Variants in S100Z observed in about 807,000 individuals in gnomAD.
The protein encoded by S100Z is S100 calcium binding protein Z.
In S100Z, 11 loss-of-function variants were observed where a neutral mutation model predicts 8.5. The observed-to-expected ratio is 1.30, with a 90% confidence interval of 0.82 to 2.15. S100Z has a LOEUF of 2.15. Ranked by LOEUF, S100Z falls within the 30% of genes most tolerant of loss-of-function variation. S100Z has a pLI of 0.00. For missense variants in S100Z, 126 were observed against 117.9 expected (o/e 1.07, Z -0.32); for synonymous variants, 34 against 43.8 (o/e 0.78, Z 0.89).
chr5:76,889,867 G>A (rs1227983316), intron 4 of S100Z, among the ~76,000 whole-genome samples: 3 of 152,222 alleles, frequency 2.0e-5, no homozygotes, highest in African/African-American at 7.2e-5. Flanking sequence ...ATCTCTGAAT[G>A]AGCAGCTAAT....
At chr5:76,887,568 T>C (rs1371163595) in intron 4 of S100Z, among the ~76,000 whole-genome samples, 1 of 151,922 alleles carries the variant, frequency 6.6e-6, no homozygotes, top group African/African-American at 2.4e-5. Context: ...TGGCTAACTT[T>C]TGTCTTTTTA....
chr5:76,940,842 G>A, the S100Z span, among the ~76,000 whole-genome samples: 11 of 152,130 alleles, frequency 7.2e-5, no homozygotes, highest in African/African-American at 1.9e-4. Flanking sequence ...TTTGCTGGTC[G>A]TGTCTCCTTA....
chr5:76,869,892 G>A (rs1561227519), intron 1 of S100Z, among the ~76,000 whole-genome samples: 1 of 152,044 alleles, frequency 6.6e-6, no homozygotes, highest in Non-Finnish European at 1.5e-5. Flanking sequence ...GCGTGGCGGT[G>A]CCCACTTGTA....
chr5:76,902,484 A>G lies in S100Z; in HGVS notation c.*3-18233A>G, dbSNP rs117502821. ...GCCCTCTGCAACACACACTGCTGCC[A>G]GGGGTGGGGCAGGGGTGGCATTAGC... On this transcript the variant is annotated intron_variant, in intron 4 of 4. Coordinates refer to ENST00000317593, the MANE Select transcript of S100Z (RefSeq NM_130772.4). Among the ~76,000 whole-genome samples, 12 of 152,308 alleles carry G rather than the reference A, an allele frequency of 7.9e-5. No individual in the cohort carries two copies. In the East Asian group the frequency reaches 2.3e-3, roughly 29 times the overall value.
At chr5:76,940,487 A>G in the S100Z span, among the ~76,000 whole-genome samples, 1 of 151,646 alleles carries the variant, frequency 6.6e-6, no homozygotes, top group African/African-American at 2.4e-5. Flanking sequence ...ATCTCAACTA[A>G]GTGCAACCTC....
chr5:76,891,263 A>G (rs1743844827), intron 4 of S100Z, among the ~76,000 whole-genome samples: 1 of 152,234 alleles, frequency 6.6e-6, no homozygotes, highest in African/African-American at 2.4e-5. Context: ...TCCTTACTTT[A>G]CGTTACACTT....
intron 4 of S100Z, among the ~76,000 whole-genome samples, chr5:76,886,500 C>T (rs1743639180): frequency 6.6e-6 from 1 of 152,124 alleles, no homozygotes; most frequent in African/African-American, 2.4e-5. Context: ...GACCCGAGGT[C>T]GTAGGTGGAT....
intron 4 of S100Z, among the ~76,000 whole-genome samples, chr5:76,881,116 A>G (rs1227804431): frequency 2.0e-5 from 3 of 152,226 alleles, no homozygotes; most frequent in Non-Finnish European, 4.4e-5. Flanking sequence ...GTACTTTGTC[A>G]CTGAAGAACT....
chr5:76,927,801 T>C, the S100Z span, among the ~76,000 whole-genome samples: 1 of 152,230 alleles, frequency 6.6e-6, no homozygotes, highest in Admixed American at 6.5e-5. Context: ...ACATGGAAAC[T>C]TCTCAACAAG....
Position 76,875,387 on chromosome 5 carries a change from G to T in S100Z, c.28G>T (p.Asp10Tyr), listed in dbSNP as rs769778590. The change falls in exon 3 of 5, where the codon GAC (aspartate) becomes TAC (tyrosine). Residue 10 changes from aspartate to tyrosine, a missense_variant. By Grantham distance (160) the Asp-to-Tyr change is radical (BLOSUM62 -3). Coordinates refer to ENST00000317593, the MANE Select transcript of S100Z (RefSeq NM_130772.4). ...GCCCACCCAGCTCGAGATGGCCATG[G>T]ACACCATGATTAGAATCTTCCACCG... MPTQLEMAM[D>Y]TMIRIFHRYS... is the part of the protein sequence containing the mutation. 8.1e-6 allele frequency: 13 copies of T among 1,612,990 alleles called. No individual in the cohort carries two copies. In the East Asian group the frequency reaches 2.0e-4, roughly 25 times the overall value.
chr5:76,939,394 C>T, the S100Z span, among the ~76,000 whole-genome samples: 1 of 151,614 alleles, frequency 6.6e-6, no homozygotes, highest in Non-Finnish European at 1.5e-5. Context: ...CCTCGTGATC[C>T]GCCTGCCTCG....
At chr5:76,919,513 TC>T (rs1744964828) in intron 4 of S100Z, among the ~76,000 whole-genome samples, 1 of 151,598 alleles carries the variant, frequency 6.6e-6, no homozygotes, top group Non-Finnish European at 1.5e-5. Flanking sequence ...TCAGGTCTTC[TC>T]TTCTTCTCCC....
At chr5:76,879,778 G>A (rs1743330325) in intron 4 of S100Z, among the ~76,000 whole-genome samples, 1 of 152,170 alleles carries the variant, frequency 6.6e-6, no homozygotes, top group African/African-American at 2.4e-5. Context: ...GGAAAACCAG[G>A]AGAGTGTAGT....
At chr5:76,853,561 T>C (rs1988638) in intron 1 of S100Z, among the ~76,000 whole-genome samples, 79,855 of 152,000 alleles carry the variant, frequency 0.53, 22,072 homozygotes, top group South Asian at 0.69. Flanking sequence ...TTTGGGAGGC[T>C]GAGGCAGGCA....
At chr5:76,940,841 C>T in the S100Z span, among the ~76,000 whole-genome samples, 2 of 152,158 alleles carry the variant, frequency 1.3e-5, no homozygotes, top group Admixed American at 6.5e-5. Flanking sequence ...ATTTGCTGGT[C>T]GTGTCTCCTT....
At chr5:76,944,232 G>A in the S100Z span, among the ~76,000 whole-genome samples, 3 of 152,118 alleles carry the variant, frequency 2.0e-5, no homozygotes, top group Non-Finnish European at 4.4e-5. Context: ...CACATCTTCG[G>A]ATGCTGTCAG....
chr5:76,948,032 G>A, the S100Z span, among the ~76,000 whole-genome samples: 3 of 152,100 alleles, frequency 2.0e-5, no homozygotes, highest in African/African-American at 7.2e-5. Flanking sequence ...AAACCAAAAA[G>A]CTTCTTCTGC....
At chr5:76,891,052 G>C (rs1157263788) in intron 4 of S100Z, among the ~76,000 whole-genome samples, 1 of 152,008 alleles carries the variant, frequency 6.6e-6, no homozygotes, top group Non-Finnish European at 1.5e-5. Context: ...AGTAGAGATG[G>C]GGCTTTACCA....
intron 4 of S100Z, among the ~76,000 whole-genome samples, chr5:76,893,696 T>C (rs1482672608): frequency 2.0e-5 from 3 of 152,200 alleles, no homozygotes; most frequent in Non-Finnish European, 2.9e-5. Context: ...AAACACTTTC[T>C]TAGGGACTAA....
Sources: allele counts gnomAD v4.1 joint callset (sites outside exome capture counted in the v4.1 genomes callset), GRCh38; gene constraint gnomAD v4.1.1; transcripts MANE v1.5; gene names NCBI Gene and HGNC (gene_info 2026-07-23, HGNC 2026-07-21).